TTC3: variants seen among roughly 807,000 people sequenced by gnomAD.
The protein encoded by TTC3 is E3 ubiquitin-protein ligase TTC3.
TTC3 carries 180 observed loss-of-function variants against 249.6 expected under a neutral mutation model. The observed-to-expected ratio is 0.72, with a 90% CI of 0.64 to 0.82. The LOEUF is 0.82. TTC3 is among the 40% of genes least tolerant of loss of function. The pLI is 0.00. For missense variants in TTC3, 2,061 were observed against 2,398.4 expected, an observed-to-expected ratio of 0.86 and a Z score of 2.94; for synonymous variants, 717 against 805.0, an observed-to-expected ratio of 0.89 and a Z score of 1.85.
At chr21:37,132,841 A>C in intron 17 of TTC3, 75 bp downstream of exon 17, 2 of 1,075,810 alleles carry the variant, frequency 1.9e-6, no homozygotes, top group Non-Finnish European at 2.7e-6. Flanking sequence ...TAAGGTTCTA[A>C]TCATGTACAT....
chr21:37,164,097 C>T (rs1166785876), exon 32 of TTC3: 1 of 1,612,802 alleles, frequency 6.2e-7, no homozygotes, highest in Non-Finnish European at 8.5e-7. Context: ...GCCTGACCAT[C>T]TTCGGCAAGA....
In TTC3 at chr21:37,108,075, ACT is replaced by A. The variant is rs762385322; in HGVS notation, c.846-314_846-313del. ...ACTCCAGCCTGGGCGACAGAGCGAG[ACT>A]CTGTCTCAAAAAAAACAAAAGAATG... On this transcript the variant is annotated intron_variant, in intron 10 of 45. Transcript: ENST00000355666. The A allele has an allele frequency of 4.1e-5, 8 of 193,324 alleles. No homozygotes were observed. In the East Asian group the frequency reaches 5.7e-4, roughly 14 times the overall value. 12.0% of individuals were successfully genotyped at this position (193,324 alleles called of 1,614,324 possible). A position where few individuals can be genotyped will look rare whatever the true frequency, so the allele number is the denominator to read the frequency against.
chr21:37,091,477 T>C, intron 7 of TTC3, 64 bp downstream of exon 7: 1 of 1,457,332 alleles, frequency 6.9e-7, no homozygotes. Context: ...GAAAATGAGA[T>C]ATGTAGTTAA....
intron 1 of TTC3, chr21:37,083,370 T>G (rs1354629870): frequency 6.1e-6 from 6 of 985,342 alleles, no homozygotes; most frequent in African/African-American, 3.5e-5. Context: ...TTGCATGGTT[T>G]TAAGCAGTAA....
At chr21:37,200,791 G>A (rs1232698893) in intron 45 of TTC3, among the ~76,000 whole-genome samples, 1 of 152,226 alleles carries the variant, frequency 6.6e-6, no homozygotes, top group East Asian at 1.9e-4. Context: ...CTATCATGGT[G>A]TTCTAGGTAC....
Position 37,121,119 on chromosome 21 carries a change from T to C in TTC3, c.901-698T>C, listed in dbSNP as rs138216346. 153 of 152,336 alleles carry C rather than the reference T, an allele frequency of 1.0e-3. 1 individual carries two copies. The highest frequency in any genetic ancestry group is 3.6e-3 in the African/African-American group (149 of 41,566). The allele number at this position is 152,336 out of a possible 1,614,324, so 9.4% of individuals were successfully genotyped here. On this transcript the variant is annotated intron_variant, in intron 11 of 45. Coordinates refer to ENST00000355666, the Ensembl canonical transcript of TTC3. ...TTAGCTTTGTAGATTAAAAAGTTTA[T>C]ACTTAATATAGAAGATTTCCAAAAT...
rs141618903 is a variant in TTC3, at chr21:37,104,588, CAAA to C, written c.846-3785_846-3783del. On this transcript the variant is annotated intron_variant, in intron 10 of 45. Coordinates refer to ENST00000355666, the Ensembl canonical transcript of TTC3. ...CTCGGCGACGAGCAAAACTCCGTCT[CAAA>C]AAAAAAAAAAAAAAAAAAGAAAGAA... Among the ~76,000 whole-genome samples the C allele has an allele frequency of 5.0e-3, 526 of 104,290 alleles. 3 individuals are homozygous for C. Among genetic ancestry groups the C allele is most frequent in the African/African-American group, 0.017 (451 of 26,852 alleles). 68.4% of individuals were successfully genotyped at this position (104,290 alleles called of 152,430 possible).
exon 33 of TTC3, chr21:37,165,756 A>G (rs1375775633): frequency 1.2e-6 from 2 of 1,613,604 alleles, no homozygotes; most frequent in Admixed American, 1.7e-5. Flanking sequence ...CTCAAGAAAA[A>G]AAGGAAGAAG....
At position 37,087,298 on chromosome 21, in the gene TTC3, A is replaced by G. The variant is rs1338195343; in HGVS notation, c.41A>G (p.Tyr14Cys). The change falls in exon 2 of 46, where the codon TAT becomes TGT. Residue 14 changes from tyrosine (Y) to cysteine (C), a missense_variant. This residue lies in a region of TTC3 where 989 missense variants were observed against 1,145.1 expected (regional missense o/e 0.86). Transcript: ENST00000355666. ...GAGGGAGATTTCACTGTGGCGGATT[A>G]TGCCTTGTTAGAAGATTGCCCTCAC... 4 of 1,614,036 alleles carry G rather than the reference A, an allele frequency of 2.5e-6. No homozygotes were observed. The African/African-American group carries it at 4.0e-5, about 16-fold the overall frequency.
intron 40 of TTC3, among the ~76,000 whole-genome samples, chr21:37,191,878 C>T (rs977195406): frequency 8.5e-5 from 13 of 152,252 alleles, no homozygotes; most frequent in Non-Finnish European, 1.8e-4. Context: ...TGTGAGCCAC[C>T]GCGCCCAGCC....
Position 37,073,440 on chromosome 21 carries a change from G to A in TTC3, c.-12+76G>A, listed in dbSNP as rs961427211. The A allele has an allele frequency of 2.8e-5, 28 of 986,730 alleles. No individual in the cohort carries two copies. The Admixed American group carries it at 1.3e-3, about 45-fold the overall frequency. The allele number at this position is 986,730 out of a possible 1,614,324, so 61.1% of individuals were successfully genotyped here. On this transcript the variant is annotated intron_variant, in intron 1 of 45. Transcript: ENST00000355666. ...CCGCTGCAGCCGAGATGCCGGGGGA[G>A]CGGGGCCTTCCACACCCCCTCCGTG...
chr21:37,124,567 CA>C, intron 13 of TTC3, 51 bp from the exon 14 acceptor site: 1 of 1,584,902 alleles, frequency 6.3e-7, no homozygotes, highest in Non-Finnish European at 8.6e-7. Flanking sequence ...CCTGTTCATT[CA>C]AAGGATAACT....
intron 8 of TTC3, 142 bp downstream of exon 8, chr21:37,094,232 CAG>C (rs768446441): frequency 5.1e-5 from 26 of 507,824 alleles, no homozygotes; most frequent in Admixed American, 1.2e-4. Context: ...ATATCTTGAT[CAG>C]AGTTCTCTAA....
chr21:37,156,586 G>A lies in TTC3; in HGVS notation c.2741-69G>A, dbSNP rs918366032. The A allele has an allele frequency of 3.8e-4, 582 of 1,533,152 alleles. 1 individual carries two copies. The highest frequency in any genetic ancestry group is 5.3e-4 in the Admixed American group (25 of 47,278). The allele number at this position is 1,533,152 out of a possible 1,614,324, so 95.0% of individuals were successfully genotyped here. A position where few individuals can be genotyped will look rare whatever the true frequency, so the allele number is the denominator to read the frequency against. Reference sequence around the variant, plus strand: ...TATAATCAGCTGCTTTCAGAGATGTGAAACTAAATGTGATTTTACAGTAAA... The same window carrying A: ...TATAATCAGCTGCTTTCAGAGATGTAAAACTAAATGTGATTTTACAGTAAA... On this transcript the variant is annotated intron_variant, in intron 27 of 45. Coordinates refer to ENST00000355666, the Ensembl canonical transcript of TTC3.
In TTC3 at chr21:37,129,038, C is replaced by T. The variant is rs529435175; in HGVS notation, c.1333C>T (p.Arg445Ter). 28 of 1,591,954 alleles carry T rather than the reference C, an allele frequency of 1.8e-5. No individual in the cohort carries two copies. The highest frequency in any genetic ancestry group is 1.2e-5 in the Non-Finnish European group (14 of 1,170,218). ...AAAACATAAAGGAAAACAAAAATCT[C>T]GAAACAATGAATCAGAAAAGTTCAG... is the stretch of plus-strand genomic sequence containing the variant. The change falls in exon 16 of 46, where the codon CGA becomes TGA. Residue 445 changes from arginine (R) to a stop codon, truncating the protein, a stop_gained. Transcript: ENST00000355666. LOFTEE classifies it high-confidence loss of function.
At chr21:37,126,055 T>TTA in intron 14 of TTC3, 25 bp from the exon 15 acceptor site, 1 of 1,573,776 alleles carries the variant, frequency 6.4e-7, no homozygotes, top group Non-Finnish European at 8.6e-7. Flanking sequence ...TTTTTTTTTT[T>TTA]AAGTCTCACT....
chr21:37,177,357 G>A (rs905232057), intron 35 of TTC3, among the ~76,000 whole-genome samples: 1 of 152,166 alleles, frequency 6.6e-6, no homozygotes, highest in African/African-American at 2.4e-5. Context: ...CCGGGCTGGG[G>A]AAGATAGACT....
chr21:37,132,678 T>G lies in TTC3; in HGVS notation c.1359-4T>G. On this transcript the variant is annotated splice_region_variant and splice_polypyrimidine_tract_variant and intron_variant, in intron 16 of 45. Coordinates refer to ENST00000355666, the Ensembl canonical transcript of TTC3. ...GATTTTTAAAAATGCTTTTTTTCTT[T>G]TAGTTCTAGTTCACCATTGACTTTA... 6.3e-7 allele frequency: 1 copy of G among 1,581,296 alleles called. No individual in the cohort carries two copies. The highest frequency in any genetic ancestry group is 8.6e-7 in the Non-Finnish European group (1 of 1,169,270).
chr21:37,129,505 T>A (rs1342826548), intron 16 of TTC3, among the ~76,000 whole-genome samples: 3 of 152,232 alleles, frequency 2.0e-5, no homozygotes, highest in Non-Finnish European at 4.4e-5. Context: ...TGGGTATGCA[T>A]ATTTCAGATG....
Sources: gnomAD v4.1 joint callset for allele counts (sites outside exome capture counted in the v4.1 genomes callset) on GRCh38, gnomAD v4.1.1 for gene constraint, gnomAD v4.1.1 regional missense constraint, MANE v1.5 for transcripts, NCBI Gene and HGNC (gene_info 2026-07-23, HGNC 2026-07-21) for gene names.